The following ITCH variants were observed in gnomAD, a reference collection of about 807,000 sequenced individuals.
ITCH encodes the protein itchy E3 ubiquitin protein ligase.
In ITCH, 28 loss-of-function variants were observed where a neutral mutation model predicts 126.8. The observed-to-expected ratio is 0.22, with a 90% confidence interval of 0.16 to 0.30. The LOEUF (loss-of-function observed/expected upper bound fraction) is 0.30. ITCH is among the 10% of genes least tolerant of loss of function. The pLI, the probability that ITCH is intolerant of heterozygous loss-of-function variation, is 1.00. For missense variants in ITCH, 631 were observed against 1,032.4 expected, an observed-to-expected ratio of 0.61 and a Z score of 5.33; for synonymous variants, 342 against 340.0, an observed-to-expected ratio of 1.01 and a Z score of -0.06.
At chr20:34,483,462 G>A (rs995859287) in intron 20 of ITCH, among the ~76,000 whole-genome samples, 3 of 152,006 alleles carry the variant, frequency 2.0e-5, no homozygotes, top group African/African-American at 4.8e-5. Flanking sequence ...AAGTACAATC[G>A]TCTCTCTCAA....
chr20:34,442,907 C>T (rs576558530), intron 10 of ITCH, among the ~76,000 whole-genome samples: 25 of 148,742 alleles, frequency 1.7e-4, no homozygotes, highest in Non-Finnish European at 3.1e-4. Flanking sequence ...ACCCAGGAGG[C>T]GGAGCTTGCA....
intron 7 of ITCH, among the ~76,000 whole-genome samples, chr20:34,434,519 G>A (rs1174711366): frequency 6.6e-6 from 1 of 152,204 alleles, no homozygotes; most frequent in Non-Finnish European, 1.5e-5. Context: ...ATGTTGGGCA[G>A]TCCTAGAGGA....
intron 3 of ITCH, among the ~76,000 whole-genome samples, chr20:34,405,839 G>A (rs1318506340): frequency 1.3e-5 from 2 of 151,418 alleles, no homozygotes; most frequent in Non-Finnish European, 2.9e-5. Flanking sequence ...GTCCAGGCTG[G>A]TCTTAAACTC....
chr20:34,464,284 G>A (rs1459002088), intron 14 of ITCH, among the ~76,000 whole-genome samples: 5 of 150,548 alleles, frequency 3.3e-5, no homozygotes, highest in Admixed American at 1.3e-4. Flanking sequence ...CACCGTGCCC[G>A]GCCTGTTTTT....
intron 3 of ITCH, 71 bp downstream of exon 3, chr20:34,393,952 C>T (rs1041366952): frequency 2.1e-6 from 3 of 1,420,156 alleles, no homozygotes; most frequent in Non-Finnish European, 3.0e-6. Context: ...CCTGAGAGGG[C>T]CAGGCATGGT....
intron 14 of ITCH, among the ~76,000 whole-genome samples, chr20:34,463,267 G>A (rs966477608): frequency 2.6e-5 from 4 of 152,202 alleles, no homozygotes; most frequent in Admixed American, 1.3e-4. Flanking sequence ...GGAGTGTGAG[G>A]CAGGAGAATC....
At chr20:34,426,996 A>G (rs1026386821) in intron 7 of ITCH, among the ~76,000 whole-genome samples, 5 of 151,828 alleles carry the variant, frequency 3.3e-5, no homozygotes, top group African/African-American at 1.2e-4. Flanking sequence ...CTATGGTCTC[A>G]TTCTTCTGAC....
intron 16 of ITCH, among the ~76,000 whole-genome samples, 160 bp downstream of exon 16, chr20:34,471,675 T>TGG (rs1438389334): frequency 4.7e-4 from 17 of 35,836 alleles, no homozygotes; most frequent in African/African-American, 1.7e-3. Flanking sequence ...GCTTAAGGGG[T>TGG]GTGTGTGTGT....
intron 2 of ITCH, among the ~76,000 whole-genome samples, chr20:34,383,362 A>T (rs867038917): frequency 1.5e-4 from 16 of 109,474 alleles, no homozygotes; most frequent in African/African-American, 5.9e-4. Flanking sequence ...GGCTTGATAG[A>T]TTTTTTTTTT....
chr20:34,386,100 T>TG (rs2038274382), intron 2 of ITCH, among the ~76,000 whole-genome samples: 1 of 152,208 alleles, frequency 6.6e-6, no homozygotes, highest in East Asian at 1.9e-4. Context: ...CCTTTGTTTT[T>TG]TTTTTTGTTT....
intron 2 of ITCH, among the ~76,000 whole-genome samples, chr20:34,389,166 A>AT (rs2038398307): frequency 1.3e-5 from 2 of 151,886 alleles, no homozygotes; most frequent in Non-Finnish European, 2.9e-5. Flanking sequence ...TTTTATTTTT[A>AT]TTTTTTATTA....
At chr20:34,493,991 G>A (rs2146524890) in intron 23 of ITCH, among the ~76,000 whole-genome samples, 1 of 152,362 alleles carries the variant, frequency 6.6e-6, no homozygotes, top group South Asian at 2.1e-4. Context: ...CACTTTAGGA[G>A]GCTGAGCTGG....
intron 2 of ITCH, among the ~76,000 whole-genome samples, chr20:34,387,760 A>G (rs2038340163): frequency 1.3e-5 from 2 of 151,030 alleles, no homozygotes; most frequent in African/African-American, 2.4e-5. Context: ...ACTGGAGTGT[A>G]GTGGTATGAT....
intron 2 of ITCH, among the ~76,000 whole-genome samples, chr20:34,379,531 G>T (rs929161505): frequency 6.6e-6 from 1 of 150,494 alleles, no homozygotes; most frequent in East Asian, 1.9e-4. Context: ...TCTGTTTTCT[G>T]TCTCTGTGAA....
intron 23 of ITCH, among the ~76,000 whole-genome samples, chr20:34,493,220 A>G (rs1989638604): frequency 6.6e-6 from 1 of 152,238 alleles, no homozygotes; most frequent in Non-Finnish European, 1.5e-5. Flanking sequence ...TAAGATCCCA[A>G]AGCCTGCTTC....
chr20:34,488,795 T>C (rs1027322638), intron 20 of ITCH, among the ~76,000 whole-genome samples: 2 of 152,364 alleles, frequency 1.3e-5, no homozygotes, highest in Admixed American at 1.3e-4. Context: ...CGTAGCACTT[T>C]GGATGGCGGA....
chr20:34,413,836 A>G lies in ITCH; in HGVS notation c.432A>G (p.Leu144=), dbSNP rs1979409918. The G allele has an allele frequency of 6.2e-7, 1 of 1,613,838 alleles. No individual in the cohort carries two copies. Among genetic ancestry groups the G allele is most frequent in the South Asian group, 1.1e-5 (1 of 91,086 alleles). ...DLSICLDGLQ[L]ESEVVTNGET... The stretch of plus-strand genomic sequence containing the variant: ...CAATTTGTCTTGATGGGCTACAGTT[A>G]GAGTCTGAAGTTGTTACCAATGGTG... Residue 144 remains leucine, a synonymous_variant, in exon 6 of 25, where the codon TTA becomes TTG. Coordinates refer to ENST00000374864, the MANE Select transcript of ITCH (RefSeq NM_031483.7).
At chr20:34,369,495 A>G (rs929028601) in intron 2 of ITCH, 25 bp downstream of exon 2, 4 of 398,756 alleles carry the variant, frequency 1.0e-5, no homozygotes, top group Non-Finnish European at 1.8e-5. Context: ...TGTGAGAGAA[A>G]TTGGGGGCAA....
At chr20:34,393,942 C>T in intron 3 of ITCH, 61 bp downstream of exon 3, 1 of 1,464,066 alleles carries the variant, frequency 6.8e-7, no homozygotes, top group Non-Finnish European at 9.6e-7. Flanking sequence ...AAAAAATAAT[C>T]CTGAGAGGGC....
Sources: allele counts gnomAD v4.1 joint callset (sites outside exome capture counted in the v4.1 genomes callset), GRCh38; gene constraint gnomAD v4.1.1; transcripts MANE v1.5; gene names NCBI Gene and HGNC (gene_info 2026-07-23, HGNC 2026-07-21).